The following UTP25 variants were observed in gnomAD, a reference collection of about 807,000 sequenced individuals.
The protein encoded by UTP25 is U3 small nucleolar RNA-associated protein 25 homolog.
Under a neutral mutation model 78.9 loss-of-function variants are expected in UTP25, and 50 were observed. That is an observed-to-expected ratio of 0.63 (90% CI 0.50 to 0.80). The LOEUF (loss-of-function observed/expected upper bound fraction) is 0.80. Ranked by LOEUF, UTP25 falls within the 30% of genes least tolerant of loss-of-function variation. The pLI, the probability that UTP25 is intolerant of heterozygous loss-of-function variation, is 0.00. For missense variants in UTP25, 846 were observed against 911.3 expected (o/e 0.93, Z 0.92); for synonymous variants, 329 against 336.5 (o/e 0.98, Z 0.24).
At chr1:209,846,536 G>A (rs2078197702) in intron 11 of UTP25, among the ~76,000 whole-genome samples, 1 of 152,158 alleles carries the variant, frequency 6.6e-6, no homozygotes, top group South Asian at 2.1e-4. Context: ...TAGTAGACTT[G>A]GTCTTTATGG....
In UTP25 at chr1:209,855,609, G is replaced by A. The variant is rs1046027763; in HGVS notation, c.*4162G>A. On this transcript the variant is annotated 3_prime_UTR_variant, in exon 12 of 12. Transcript: ENST00000491415. ...TACAGATGTCCCCTCACTGCTGGAAGAAACACCTGCCCTTGCTTGTTCTCC... is the reference window on the plus strand; with the variant it reads ...TACAGATGTCCCCTCACTGCTGGAAAAAACACCTGCCCTTGCTTGTTCTCC... 3 of 152,388 alleles carry A rather than the reference G, an allele frequency of 2.0e-5. No individual in the cohort carries two copies. Among genetic ancestry groups the A allele is most frequent in the African/African-American group, 4.8e-5 (2 of 41,454 alleles). 9.4% of individuals were successfully genotyped at this position (152,388 alleles called of 1,614,324 possible). A position where few individuals can be genotyped will look rare whatever the true frequency, so the allele number is the denominator to read the frequency against.
Position 209,857,323 on chromosome 1 carries a change from T to C in UTP25, c.*5876T>C, listed in dbSNP as rs2078284768. On this transcript the variant is annotated 3_prime_UTR_variant, in exon 12 of 12. Coordinates refer to ENST00000491415, the MANE Select transcript of UTP25 (RefSeq NM_014388.7). ...ACTTGCTTCTCCAGGCCAATCATCCTTACTTCCTTAAACTTTTTTTTTTCC... is the reference window on the plus strand; with the variant it reads ...ACTTGCTTCTCCAGGCCAATCATCCCTACTTCCTTAAACTTTTTTTTTTCC... 6.6e-6 allele frequency: 1 copy of C among 152,160 alleles called. No individual in the cohort carries two copies. Among genetic ancestry groups the C allele is most frequent in the Non-Finnish European group, 1.5e-5 (1 of 68,038 alleles). The allele number at this position is 152,160 out of a possible 1,614,324, so 9.4% of individuals were successfully genotyped here. A position where few individuals can be genotyped will look rare whatever the true frequency, so the allele number is the denominator to read the frequency against.
At position 209,833,764 on chromosome 1, in the gene UTP25, C is replaced by G. The variant is rs566485575; in HGVS notation, c.562+406C>G. Among the ~76,000 whole-genome samples the G allele has an allele frequency of 7.2e-5, 11 of 152,316 alleles. No individual in the cohort carries two copies. The South Asian group carries it at 8.3e-4, about 11-fold the overall frequency. ...CCCAGGGGTGGCTAATCTGAGTGGT[C>G]TTTATTACCAGGGAGACCCTCAAAA... is the stretch of plus-strand genomic sequence containing the variant. On this transcript the variant is annotated intron_variant, in intron 4 of 11. Transcript: ENST00000491415.
Position 209,830,931 on chromosome 1 carries a change from G to A in UTP25, c.276G>A (p.Glu92=). The change falls in exon 3 of 12, where the codon GAG becomes GAA. Residue 92 remains glutamate, a synonymous_variant. Coordinates refer to ENST00000491415, the MANE Select transcript of UTP25 (RefSeq NM_014388.7). Reference sequence around the variant, plus strand: ...AGGAAGAAGAGGAAGATGAGGAGGAGGAAGAGGAAGAAGACAGTATTGTAG... The same window carrying A: ...AGGAAGAAGAGGAAGATGAGGAGGAAGAAGAGGAAGAAGACAGTATTGTAG... ...VSEEEEEDEE[E]EEEEDSIVDD... 6.2e-7 allele frequency: 1 copy of A among 1,613,610 alleles called. No homozygotes were observed.
At chr1:209,832,747 G>A (rs1246773711) in intron 3 of UTP25, among the ~76,000 whole-genome samples, 1 of 152,138 alleles carries the variant, frequency 6.6e-6, no homozygotes, top group Non-Finnish European at 1.5e-5. Context: ...AGCCAGGCAT[G>A]GTGGTGCATG....
chr1:209,828,173 C>T lies in UTP25; in HGVS notation c.107+3C>T, dbSNP rs1177658219. 5 of 1,610,334 alleles carry T rather than the reference C, an allele frequency of 3.1e-6. No individual in the cohort carries two copies. Among genetic ancestry groups the T allele is most frequent in the South Asian group, 1.1e-5 (1 of 91,016 alleles). On this transcript the variant is annotated splice_donor_region_variant and intron_variant, in intron 1 of 11. Transcript: ENST00000491415. ...GAGGAGCATCCCTTCTATGACAGGTCTGAAGGGGCGTGGCAGGGCTCCCCA... is the reference window on the plus strand; with the variant it reads ...GAGGAGCATCCCTTCTATGACAGGTTTGAAGGGGCGTGGCAGGGCTCCCCA...
At chr1:209,846,379 A>G (rs1246573416) in intron 11 of UTP25, among the ~76,000 whole-genome samples, 4 of 152,128 alleles carry the variant, frequency 2.6e-5, no homozygotes, top group Non-Finnish European at 5.9e-5. Flanking sequence ...GCTCTTTTCC[A>G]GTGCGTTATC....
rs149178289 is a variant in UTP25 at position 209,837,579 on chromosome 1, A to G, written c.1062+368A>G. Among the ~76,000 whole-genome samples, 386 of 152,006 alleles carry G rather than the reference A, an allele frequency of 2.5e-3. 2 individuals are homozygous for G. The highest frequency in any genetic ancestry group is 9.0e-3 in the African/African-American group (372 of 41,446). ...TCCCTCCATATTACAGCTGTGGACA[A>G]CCCCAAATTCGTAGAAATTCATAGA... On this transcript the variant is annotated intron_variant, in intron 6 of 11. Coordinates refer to ENST00000491415, the MANE Select transcript of UTP25 (RefSeq NM_014388.7).
intron 3 of UTP25, among the ~76,000 whole-genome samples, chr1:209,832,328 T>C (rs2078107734): frequency 6.6e-6 from 1 of 152,224 alleles, no homozygotes; most frequent in Non-Finnish European, 1.5e-5. Flanking sequence ...AATGGCCTTA[T>C]ACATTTCCGT....
intron 11 of UTP25, chr1:209,843,939 C>T (rs2078181583): frequency 1.9e-6 from 1 of 531,628 alleles, no homozygotes; most frequent in Non-Finnish European, 3.4e-6. Flanking sequence ...GTCTATAGAC[C>T]TGGCATGTAG....
At chr1:209,850,493 A>T (rs1387290298) in intron 11 of UTP25, among the ~76,000 whole-genome samples, 3 of 152,246 alleles carry the variant, frequency 2.0e-5, no homozygotes, top group Non-Finnish European at 4.4e-5. Flanking sequence ...GCTTGTCAAC[A>T]TATAAAATCT....
At chr1:209,838,693 G>T (rs907766995) in intron 6 of UTP25, 23 of 601,574 alleles carry the variant, frequency 3.8e-5, no homozygotes, top group Non-Finnish European at 5.6e-5. Flanking sequence ...GGACTGATGG[G>T]TCTGAAGTCC....
chr1:209,842,340 C>T lies in UTP25; in HGVS notation c.1561C>T (p.Leu521Phe). The change falls in exon 9 of 12, where the codon CTC becomes TTC. Residue 521 changes from leucine to phenylalanine, a missense_variant. Coordinates refer to ENST00000491415, the MANE Select transcript of UTP25 (RefSeq NM_014388.7). ...CTTTTCTCGAGTGCGGATGTGGAGC[C>T]TCAATAATTGGTCCAAGTACTATCG... ...VDFSRVRMWS[L>F]NNWSKYYRQT... 6.2e-7 allele frequency: 1 copy of T among 1,614,102 alleles called. No homozygotes were observed. The highest frequency in any genetic ancestry group is 8.5e-7 in the Non-Finnish European group (1 of 1,179,976).
chr1:209,855,117 G>A lies in UTP25; in HGVS notation c.*3670G>A, dbSNP rs1436216632. The A allele has an allele frequency of 1.3e-5, 2 of 152,258 alleles. No homozygotes were observed. The highest frequency in any genetic ancestry group is 1.5e-5 in the Non-Finnish European group (1 of 68,032). The allele number at this position is 152,258 out of a possible 1,614,324, so 9.4% of individuals were successfully genotyped here. A position where few individuals can be genotyped will look rare whatever the true frequency, so the allele number is the denominator to read the frequency against. On this transcript the variant is annotated 3_prime_UTR_variant, in exon 12 of 12. Coordinates refer to ENST00000491415, the MANE Select transcript of UTP25 (RefSeq NM_014388.7). ...ATGTAAGCATTGGAAGGGGAAAGAG[G>A]GAACGCTTCTTTCCCTCTGGGCTTG...
intron 1 of UTP25, among the ~76,000 whole-genome samples, chr1:209,829,196 TTCA>T (rs1470563752): frequency 1.3e-5 from 2 of 152,362 alleles, no homozygotes; most frequent in Admixed American, 6.5e-5. Flanking sequence ...AATTAGCATA[TTCA>T]TCATCTCAAA....
chr1:209,847,025 G>GCA (rs3028167), intron 11 of UTP25, among the ~76,000 whole-genome samples: 32,184 of 151,920 alleles, frequency 0.21, 3,507 homozygotes, highest in African/African-American at 0.24. Flanking sequence ...ATGCACACGT[G>GCA]CACACACACA....
intron 3 of UTP25, 137 bp downstream of exon 3, chr1:209,831,180 T>C (rs1245818844): frequency 2.4e-6 from 2 of 845,884 alleles, no homozygotes. Flanking sequence ...TTGTTGGGTT[T>C]GATTGTATCT....
At chr1:209,849,665 G>GT (rs1471265323) in intron 11 of UTP25, among the ~76,000 whole-genome samples, 1 of 152,198 alleles carries the variant, frequency 6.6e-6, no homozygotes, top group African/African-American at 2.4e-5. Flanking sequence ...AGGGCTCCCA[G>GT]TGCAGGCCTC....
intron 10 of UTP25, 58 bp from the exon 11 acceptor site, chr1:209,843,393 A>G (rs1309507500): frequency 1.3e-6 from 2 of 1,592,578 alleles, no homozygotes; most frequent in African/African-American, 2.7e-5. Flanking sequence ...CACACAGTTA[A>G]GAGACACCAT....
Sources: gnomAD v4.1 joint callset for allele counts (sites outside exome capture counted in the v4.1 genomes callset) on GRCh38, gnomAD v4.1.1 for gene constraint, MANE v1.5 for transcripts, NCBI Gene and HGNC (gene_info 2026-07-23, HGNC 2026-07-21) for gene names.